The following CMSS1 variants were observed in gnomAD, a reference collection of about 807,000 sequenced individuals.
CMSS1 encodes the protein cms1 ribosomal small subunit homolog, also known as protein CMSS1.
A neutral mutation model predicts 43.5 loss-of-function variants in CMSS1; 33 were observed. The observed-to-expected ratio is 0.76, with a 90% CI of 0.57 to 1.01. The LOEUF is 1.01. CMSS1 is among the 50% of genes least tolerant of loss of function. The probability of loss-of-function intolerance (pLI) is 0.00; values close to 1 mark genes in which losing one functional copy is unlikely to be tolerated. For missense variants in CMSS1, 313 were observed against 326.4 expected, an observed-to-expected ratio of 0.96 and a Z score of 0.32; for synonymous variants, 115 against 117.2, an observed-to-expected ratio of 0.98 and a Z score of 0.12.
chr3:100,165,473 A>G (rs1372015817), intron 4 of CMSS1, among the ~76,000 whole-genome samples: 2 of 152,154 alleles, frequency 1.3e-5, no homozygotes, highest in Non-Finnish European at 2.9e-5. Flanking sequence ...CTGTGTATGT[A>G]TATACATATT....
intron 1 of CMSS1, among the ~76,000 whole-genome samples, chr3:100,118,773 G>A (rs1553715718): frequency 6.6e-6 from 1 of 152,044 alleles, no homozygotes; most frequent in Non-Finnish European, 1.5e-5. Context: ...CCAAAAATAG[G>A]TATCTGTATG....
At chr3:100,013,098 A>G (rs904238067) in intron 1 of CMSS1, among the ~76,000 whole-genome samples, 1 of 151,780 alleles carries the variant, frequency 6.6e-6, no homozygotes, top group Non-Finnish European at 1.5e-5. Context: ...GCTGATCTTG[A>G]ACTCCTGGGC....
chr3:99,917,256 G>C (rs1336109014), intron 1 of CMSS1, among the ~76,000 whole-genome samples: 1 of 152,132 alleles, frequency 6.6e-6, no homozygotes, highest in Non-Finnish European at 1.5e-5. Flanking sequence ...TGCAACAGTG[G>C]TGTCTGTGCC....
chr3:99,898,200 A>G (rs1341330910), intron 1 of CMSS1: 1 of 152,198 alleles, frequency 6.6e-6, no homozygotes, highest in Non-Finnish European at 1.5e-5. Context: ...ACATTTTTGA[A>G]GGTTATTTGG....
At chr3:100,007,247 C>G (rs1324489230) in intron 1 of CMSS1, among the ~76,000 whole-genome samples, 1 of 152,178 alleles carries the variant, frequency 6.6e-6, no homozygotes, top group Admixed American at 6.5e-5. Context: ...GTTTGAGTCT[C>G]TCAGACATAC....
intron 1 of CMSS1, among the ~76,000 whole-genome samples, chr3:99,940,498 TA>T: frequency 6.6e-6 from 1 of 152,332 alleles, no homozygotes; most frequent in South Asian, 2.1e-4. Context: ...CCTTACACTG[TA>T]ACCAAATCCC....
At chr3:100,126,997 CAA>C (rs555086775) in intron 1 of CMSS1, among the ~76,000 whole-genome samples, 4 of 110,690 alleles carry the variant, frequency 3.6e-5, no homozygotes, top group Non-Finnish European at 3.8e-5. Context: ...GACTCCGTCT[CAA>C]AAAAAAAAAA....
chr3:99,841,155 G>T (rs1943112732), intron 1 of CMSS1, among the ~76,000 whole-genome samples: 1 of 152,218 alleles, frequency 6.6e-6, no homozygotes. Context: ...CTAAGACACT[G>T]CGCATGTCAC....
At chr3:99,825,178 C>G (rs1033707431) in intron 1 of CMSS1, among the ~76,000 whole-genome samples, 7 of 152,208 alleles carry the variant, frequency 4.6e-5, no homozygotes, top group African/African-American at 1.7e-4. Context: ...TAACACACAA[C>G]AGAGGATCGA....
chr3:99,951,698 C>T (rs1708182879), intron 1 of CMSS1, among the ~76,000 whole-genome samples: 2 of 152,204 alleles, frequency 1.3e-5, no homozygotes, highest in South Asian at 2.1e-4. Context: ...TCCCTAATGA[C>T]ATCCAGTGAC....
At chr3:99,973,141 G>T (rs1038966120) in intron 1 of CMSS1, among the ~76,000 whole-genome samples, 1 of 152,118 alleles carries the variant, frequency 6.6e-6, no homozygotes, top group East Asian at 1.9e-4. Context: ...AAAAGCCAAG[G>T]TTTAGATTTT....
intron 1 of CMSS1, among the ~76,000 whole-genome samples, chr3:100,007,622 G>A (rs896333266): frequency 3.3e-5 from 5 of 152,126 alleles, no homozygotes; most frequent in African/African-American, 9.7e-5. Flanking sequence ...CCCAGAAAGT[G>A]TACAGATTTT....
At position 100,179,355 on chromosome 3, in the gene CMSS1, T is replaced by G. The variant is rs937441091; in HGVS notation, c.*967T>G. On this transcript the variant is annotated 3_prime_UTR_variant, in exon 10 of 10. Coordinates refer to ENST00000421999, the MANE Select transcript of CMSS1 (RefSeq NM_032359.4). ...AAAAGTCCAACTCCAAAGTCTGATCTGAGACAAGGCAACTTCCTTCCACCT... is the reference window on the plus strand; with the variant it reads ...AAAAGTCCAACTCCAAAGTCTGATCGGAGACAAGGCAACTTCCTTCCACCT... 1.3e-5 allele frequency: 2 copies of G among 152,240 alleles called. No individual in the cohort carries two copies. The highest frequency in any genetic ancestry group is 4.8e-5 in the African/African-American group (2 of 41,448). 9.4% of individuals were successfully genotyped at this position (152,240 alleles called of 1,614,324 possible).
At chr3:100,071,831 T>C (rs1400861863) in intron 1 of CMSS1, among the ~76,000 whole-genome samples, 1 of 152,202 alleles carries the variant, frequency 6.6e-6, no homozygotes, top group Admixed American at 6.5e-5. Context: ...AGGCTTACAC[T>C]TATTGGGCAC....
In CMSS1 at chr3:100,041,813, T is replaced by C. The variant is rs189346204; in HGVS notation, c.65-105160T>C. 3.4e-3 allele frequency among the ~76,000 whole-genome samples: 525 copies of C among 152,300 alleles called. 12 individuals carry two copies. The highest frequency in any genetic ancestry group is 5.9e-4 in the Non-Finnish European group (40 of 68,026). ...TCAGGAGAAAGGATAACTCATGTTG[T>C]GCCTTGATTTATCTCACCTTTTTCT... On this transcript the variant is annotated intron_variant, in intron 1 of 9. Coordinates refer to ENST00000421999, the MANE Select transcript of CMSS1 (RefSeq NM_032359.4).
rs1448837708 is a variant in CMSS1, at chr3:100,109,905, C to G, written c.65-37068C>G. 6 of 45,704 alleles carry G rather than the reference C, an allele frequency of 1.3e-4. No individual in the cohort carries two copies. The East Asian group carries it at 2.1e-3, about 16-fold the overall frequency. The allele number at this position is 45,704 out of a possible 1,614,324, so 2.8% of individuals were successfully genotyped here. The stretch of plus-strand genomic sequence containing the variant: ...CATCTGCAAATGTTTCTTTTATGAC[C>G]CCCCCCCCCCAGCACCACCCCCCAG... On this transcript the variant is annotated intron_variant, in intron 1 of 9. Coordinates refer to ENST00000421999, the MANE Select transcript of CMSS1 (RefSeq NM_032359.4).
At chr3:99,886,439 T>C (rs1576548215) in intron 1 of CMSS1, among the ~76,000 whole-genome samples, 1 of 151,266 alleles carries the variant, frequency 6.6e-6, no homozygotes, top group Non-Finnish European at 1.5e-5. Flanking sequence ...AAAAAAAAAA[T>C]CTCATGTTTT....
chr3:99,944,786 C>T lies in CMSS1; in HGVS notation c.64+126743C>T, dbSNP rs192435231. 1.0e-3 allele frequency among the ~76,000 whole-genome samples: 157 copies of T among 152,286 alleles called. 4 individuals carry two copies. Among genetic ancestry groups the T allele is most frequent in the Admixed American group, 0.01 (157 of 15,296 alleles). Reference sequence around the variant, plus strand: ...AGACATCTCAGCAATTATGGTGCAGCACTGACTATATCAATAAAATTAAAG... The same window carrying T: ...AGACATCTCAGCAATTATGGTGCAGTACTGACTATATCAATAAAATTAAAG... On this transcript the variant is annotated intron_variant, in intron 1 of 9. Coordinates refer to ENST00000421999, the MANE Select transcript of CMSS1 (RefSeq NM_032359.4).
At chr3:99,963,240 T>A (rs1461669670) in intron 1 of CMSS1, among the ~76,000 whole-genome samples, 1 of 152,242 alleles carries the variant, frequency 6.6e-6, no homozygotes, top group Non-Finnish European at 1.5e-5. Flanking sequence ...GAATAGTGTG[T>A]GGTTTTCCAC....
Sources: gnomAD v4.1 joint callset for allele counts (sites outside exome capture counted in the v4.1 genomes callset) on GRCh38, gnomAD v4.1.1 for gene constraint, MANE v1.5 for transcripts, NCBI Gene and HGNC (gene_info 2026-07-23, HGNC 2026-07-21) for gene names.